TENT4B: variants seen among roughly 807,000 people sequenced by gnomAD.
The protein encoded by TENT4B is terminal nucleotidyltransferase 4B.
A neutral mutation model predicts 75.0 loss-of-function variants in TENT4B; 10 were observed. The ratio of observed to expected loss-of-function variants is 0.13; its 90% CI spans 0.08 to 0.23. The LOEUF is 0.23. Among genes scored for constraint, TENT4B ranks in the 10% least tolerant of loss-of-function variants. TENT4B has a pLI of 1.00. For synonymous variants in TENT4B, 350 were observed against 357.7 expected, an observed-to-expected ratio of 0.98 and a Z score of 0.24; for missense variants, 579 against 893.8, an observed-to-expected ratio of 0.65 and a Z score of 4.49.
chr16:50,210,073 T>C (rs1178345967), intron 1 of TENT4B, among the ~76,000 whole-genome samples: 1 of 152,010 alleles, frequency 6.6e-6, no homozygotes, highest in Admixed American at 6.6e-5. Context: ...TGCCCCTCCT[T>C]CCCCTAAGGC....
In TENT4B at chr16:50,183,521, C is replaced by CT. The variant is rs34736585; in HGVS notation, c.639-27786dup. 3.3e-3 allele frequency among the ~76,000 whole-genome samples: 391 copies of CT among 119,620 alleles called. 2 individuals carry two copies. The highest frequency in any genetic ancestry group is 8.3e-3 in the African/African-American group (279 of 33,704). 78.5% of individuals were successfully genotyped at this position (119,620 alleles called of 152,430 possible). ...TGTTATACTTAGTCACTTAAAAACC[C>CT]TTTTTTTTTTTTTTTTGGAATTCTT... On this transcript the variant is annotated intron_variant, in intron 1 of 11. Coordinates refer to ENST00000561678, the MANE Select transcript of TENT4B (RefSeq NM_001365324.3).
chr16:50,153,237 G>C (rs2037802948), upstream of TENT4B, among the ~76,000 whole-genome samples: 2 of 141,706 alleles, frequency 1.4e-5, no homozygotes, highest in Admixed American at 1.4e-4. Context: ...CCGCCCCGGG[G>C]CCGGAGGAGC....
intron 3 of TENT4B, among the ~76,000 whole-genome samples, chr16:50,214,984 A>G (rs534362152): frequency 6.6e-6 from 1 of 152,204 alleles, no homozygotes; most frequent in African/African-American, 2.4e-5. Context: ...TTAAGAACTC[A>G]TTCTACTAGT....
At position 50,229,577 on chromosome 16, in the gene TENT4B, C is replaced by G. The variant is rs2032210056; in HGVS notation, c.*249C>G. 1 of 1,212,006 alleles carries G rather than the reference C, an allele frequency of 8.3e-7. No individual in the cohort carries two copies. The allele number at this position is 1,212,006 out of a possible 1,614,324, so 75.1% of individuals were successfully genotyped here. A position where few individuals can be genotyped will look rare whatever the true frequency, so the allele number is the denominator to read the frequency against. ...GGCTGCTTATTTGATAAGTCATATGCTACAACAGGGTCATTTTAAGATTTA... is the reference window on the plus strand; with the variant it reads ...GGCTGCTTATTTGATAAGTCATATGGTACAACAGGGTCATTTTAAGATTTA... On this transcript the variant is annotated 3_prime_UTR_variant, in exon 12 of 12. Transcript: ENST00000561678.
intron 5 of TENT4B, among the ~76,000 whole-genome samples, chr16:50,217,938 G>A (rs1204320898): frequency 1.4e-5 from 2 of 147,516 alleles, no homozygotes; most frequent in East Asian, 4.0e-4. Context: ...GCTATTTTTT[G>A]TATTTTTTTT....
chr16:50,188,541 T>G (rs2038579579), intron 1 of TENT4B, among the ~76,000 whole-genome samples: 1 of 152,270 alleles, frequency 6.6e-6, no homozygotes, highest in African/African-American at 2.4e-5. Flanking sequence ...AATGTTTTAG[T>G]GTAATTTTGA....
chr16:50,213,084 G>A (rs1438334415), intron 2 of TENT4B, among the ~76,000 whole-genome samples: 1 of 152,012 alleles, frequency 6.6e-6, no homozygotes, highest in African/African-American at 2.4e-5. Context: ...CCCCGAGATG[G>A]AGTCTCGCTC....
Position 50,197,132 on chromosome 16 carries a change from AAAAC to A in TENT4B, c.639-14189_639-14186del, listed in dbSNP as rs536033502. ...TAAAAAAAAAACAAAAAACAAAAAA[AAAAC>A]AGAGTACAACAACCTTTGGTAAACT... On this transcript the variant is annotated intron_variant, in intron 1 of 11. Transcript: ENST00000561678. 7.2e-5 allele frequency among the ~76,000 whole-genome samples: 11 copies of A among 152,180 alleles called. No individual in the cohort carries two copies. In the East Asian group the frequency reaches 2.1e-3, roughly 29 times the overall value.
chr16:50,169,807 C>T (rs1436073188), intron 1 of TENT4B, among the ~76,000 whole-genome samples: 1 of 152,116 alleles, frequency 6.6e-6, no homozygotes, highest in Non-Finnish European at 1.5e-5. Context: ...AGTTAATCCT[C>T]CCTGTAGTGA....
At chr16:50,180,828 G>C (rs970547569) in intron 1 of TENT4B, among the ~76,000 whole-genome samples, 4 of 152,218 alleles carry the variant, frequency 2.6e-5, no homozygotes, top group Non-Finnish European at 4.4e-5. Flanking sequence ...GGGCAGTGGG[G>C]TCTAAGGGAC....
intron 1 of TENT4B, 84 bp downstream of exon 1, chr16:50,154,343 T>G: frequency 7.4e-7 from 1 of 1,358,570 alleles, no homozygotes; most frequent in Non-Finnish European, 9.4e-7. Flanking sequence ...GTTGTGAGGG[T>G]CTAGGAGCGG....
intron 1 of TENT4B, among the ~76,000 whole-genome samples, chr16:50,174,191 G>T (rs1404591583): frequency 1.3e-5 from 2 of 152,122 alleles, no homozygotes; most frequent in Admixed American, 6.6e-5. Context: ...TCTGCTTCCT[G>T]GGTTCAAGTG....
In TENT4B at chr16:50,153,912, C is replaced by T; in HGVS notation, c.291C>T (p.Pro97=). The T allele has an allele frequency of 1.3e-6, 2 of 1,526,930 alleles. No homozygotes were observed. The highest frequency in any genetic ancestry group is 1.7e-6 in the Non-Finnish European group (2 of 1,143,750). 94.6% of individuals were successfully genotyped at this position (1,526,930 alleles called of 1,614,324 possible). The stretch of plus-strand genomic sequence containing the variant: ...GCCTGCTGGGCAGCCACGCGCTGCC[C>T]GCGGAGCAGCGGGACTTCCTGCCCC... The part of the protein sequence containing the change: ...GERLLGSHAL[P]AEQRDFLPLE... The change falls in exon 1 of 12, where the codon CCC becomes CCT. Residue 97 remains proline (P), a synonymous_variant. Coordinates refer to ENST00000561678, the MANE Select transcript of TENT4B (RefSeq NM_001365324.3).
intron 1 of TENT4B, among the ~76,000 whole-genome samples, chr16:50,162,737 A>G (rs2038025475): frequency 6.6e-6 from 1 of 152,096 alleles, no homozygotes; most frequent in South Asian, 2.1e-4. Flanking sequence ...TTTCCTTTAC[A>G]TGTTGCTTTT....
chr16:50,233,953 G>T lies in TENT4B; in HGVS notation c.*4625G>T, dbSNP rs2032372821. On this transcript the variant is annotated 3_prime_UTR_variant, in exon 12 of 12. Transcript: ENST00000561678. ...TCAGTGAACATTTTTATTAGTAGTT[G>T]CATATCATCTCTAGTTCCACATTTT... The T allele has an allele frequency of 1.0e-6, 1 of 985,288 alleles. No homozygotes were observed. The highest frequency in any genetic ancestry group is 6.2e-5 in the Admixed American group (1 of 16,258). The allele number at this position is 985,288 out of a possible 1,614,324, so 61.0% of individuals were successfully genotyped here.
At chr16:50,156,546 G>C (rs554679529) in intron 1 of TENT4B, among the ~76,000 whole-genome samples, 1 of 152,180 alleles carries the variant, frequency 6.6e-6, no homozygotes, top group South Asian at 2.1e-4. Context: ...GTTTCTTCAT[G>C]TTGGTCAGGC....
Position 50,153,745 on chromosome 16 carries a change from AGCGGCGGCGCGAGCG to A in TENT4B, c.134_148del (p.Ala45_Gly49del), listed in dbSNP as rs1413179130. On this transcript the variant is annotated inframe_deletion, in exon 1 of 12. Transcript: ENST00000561678. Reference sequence around the variant, plus strand: ...CTACTTCAACCACCACTGTCACAGCAGCGGCGGCGCGAGCGGCGGCGGCGGCAGCAGCAGCAGCAG... The same window carrying A: ...CTACTTCAACCACCACTGTCACAGCAGCGGCGGCGGCAGCAGCAGCAGCAG... 1 of 1,053,646 alleles carries A rather than the reference AGCGGCGGCGCGAGCG, an allele frequency of 9.5e-7. No homozygotes were observed. Among genetic ancestry groups the A allele is most frequent in the South Asian group, 4.0e-5 (1 of 25,292 alleles). 65.3% of individuals were successfully genotyped at this position (1,053,646 alleles called of 1,614,324 possible).
chr16:50,169,391 T>G (rs1431134877), intron 1 of TENT4B, among the ~76,000 whole-genome samples: 3 of 59,078 alleles, frequency 5.1e-5, no homozygotes, highest in Non-Finnish European at 1.4e-4. Flanking sequence ...TTGTGGGTTT[T>G]TTTTTTTTTT....
Position 50,201,830 on chromosome 16 carries a change from TAAAAA to T in TENT4B, c.639-9478_639-9474del, listed in dbSNP as rs57061694. 4.4e-4 allele frequency among the ~76,000 whole-genome samples: 60 copies of T among 136,726 alleles called. No individual in the cohort carries two copies. The East Asian group carries it at 0.011, about 25-fold the overall frequency. The allele number at this position is 136,726 out of a possible 152,430, so 89.7% of individuals were successfully genotyped here. On this transcript the variant is annotated intron_variant, in intron 1 of 11. Coordinates refer to ENST00000561678, the MANE Select transcript of TENT4B (RefSeq NM_001365324.3). ...CTGGGTGAAAGAGGGATACTCTATT[TAAAAA>T]AAAAAAAAAAAAAAGCGGGCTGGAT...
Sources: gnomAD v4.1 joint callset for allele counts (sites outside exome capture counted in the v4.1 genomes callset) on GRCh38, gnomAD v4.1.1 for gene constraint, MANE v1.5 for transcripts, NCBI Gene and HGNC (gene_info 2026-07-23, HGNC 2026-07-21) for gene names.